HADHB: variants seen among roughly 807,000 people sequenced by gnomAD.
The protein encoded by HADHB is hydroxyacyl-CoA dehydrogenase trifunctional multienzyme complex subunit beta.
HADHB carries 50 observed loss-of-function variants against 61.9 expected under a neutral mutation model. That is an observed-to-expected ratio of 0.81 (90% CI 0.64 to 1.02). The LOEUF (loss-of-function observed/expected upper bound fraction) is 1.02. HADHB is among the 50% of genes least tolerant of loss of function. The pLI, the probability that HADHB is intolerant of heterozygous loss-of-function variation, is 0.00. For synonymous variants in HADHB, 191 were observed against 201.6 expected (o/e 0.95, Z 0.45); for missense variants, 504 against 586.5 (o/e 0.86, Z 1.45).
intron 5 of HADHB, 62 bp downstream of exon 5, chr2:26,270,059 C>A: frequency 9.5e-7 from 1 of 1,056,606 alleles, no homozygotes; most frequent in Non-Finnish European, 1.5e-6. Flanking sequence ...CCAGTTTTTA[C>A]ACATAAAATA....
At chr2:26,252,405 C>T (rs1270161327) in intron 1 of HADHB, among the ~76,000 whole-genome samples, 1 of 152,072 alleles carries the variant, frequency 6.6e-6, no homozygotes, top group Non-Finnish European at 1.5e-5. Context: ...AAACATGCTT[C>T]AAAATTAAGA....
chr2:26,274,830 T>C (rs1412345090), intron 6 of HADHB, among the ~76,000 whole-genome samples: 1 of 152,152 alleles, frequency 6.6e-6, no homozygotes, highest in South Asian at 2.1e-4. Flanking sequence ...CTCCTCTTGC[T>C]CAGCTTTTTA....
At chr2:26,284,350 A>G in intron 13 of HADHB, 146 bp downstream of exon 13, 2 of 706,470 alleles carry the variant, frequency 2.8e-6, no homozygotes, top group African/African-American at 1.8e-5. Flanking sequence ...CACTGCTGGG[A>G]GGGGCCCGAG....
chr2:26,261,180 G>A, intron 3 of HADHB: 1 of 533,296 alleles, frequency 1.9e-6, no homozygotes. Flanking sequence ...AGGGGCCTGT[G>A]GGATGTCCAA....
At chr2:26,257,657 A>T (rs1247255176) in intron 3 of HADHB, among the ~76,000 whole-genome samples, 1 of 151,806 alleles carries the variant, frequency 6.6e-6, no homozygotes, top group Non-Finnish European at 1.5e-5. Flanking sequence ...AGCAGCCCTA[A>T]CTAAGGCCCA....
In HADHB at chr2:26,280,021, G is replaced by A. The variant is rs751772298; in HGVS notation, c.839G>A (p.Gly280Asp). Residue 280 changes from glycine to aspartate, a missense_variant, in exon 10 of 16, where the codon GGC becomes GAC. Physicochemically the swap from Gly to Asp is moderately conservative, Grantham distance 94 (BLOSUM62 -1). Transcript: ENST00000317799. ...PGKDTVTKDN[G>D]IRPSSLEQMA... ...AAAGATACAGTTACCAAAGATAATG[G>A]CATCCGTCCTTCCTCACTGGAGCAG... The A allele has an allele frequency of 3.1e-6, 5 of 1,609,236 alleles. No individual in the cohort carries two copies. The African/African-American group carries it at 4.0e-5, about 13-fold the overall frequency.
At chr2:26,248,385 C>CTTT (rs879639890) in intron 1 of HADHB, among the ~76,000 whole-genome samples, 2 of 145,074 alleles carry the variant, frequency 1.4e-5, no homozygotes, top group African/African-American at 5.0e-5. Flanking sequence ...TTGAGTATTT[C>CTTT]TTTTTTTTTT....
intron 6 of HADHB, among the ~76,000 whole-genome samples, chr2:26,274,613 G>A (rs1308503823): frequency 2.0e-5 from 3 of 152,160 alleles, no homozygotes; most frequent in Non-Finnish European, 4.4e-5. Context: ...GGGGCAGGAA[G>A]GAATTAACAA....
intron 6 of HADHB, among the ~76,000 whole-genome samples, chr2:26,276,235 T>C (rs1330175061): frequency 6.6e-6 from 1 of 152,202 alleles, no homozygotes; most frequent in Admixed American, 6.5e-5. Context: ...ATAGAGGCCA[T>C]TTTTAAAAGA....
At chr2:26,260,502 T>C (rs1212171863) in intron 3 of HADHB, 1 of 156,376 alleles carries the variant, frequency 6.4e-6, no homozygotes, top group Non-Finnish European at 1.4e-5. Context: ...TCTGCTCAAA[T>C]AAGGATTTTC....
intron 4 of HADHB, among the ~76,000 whole-genome samples, chr2:26,264,646 TACAC>T (rs1672001231): frequency 6.6e-6 from 1 of 151,502 alleles, no homozygotes; most frequent in Admixed American, 6.6e-5. Context: ...TATGTGTGTA[TACAC>T]ACACAACAAA....
At chr2:26,269,485 G>C (rs1034621294) in intron 4 of HADHB, among the ~76,000 whole-genome samples, 5 of 152,118 alleles carry the variant, frequency 3.3e-5, no homozygotes, top group African/African-American at 1.2e-4. Context: ...CTAGGTGTGA[G>C]CCACCATGCT....
chr2:26,264,961 G>A (rs1243458932), intron 4 of HADHB, among the ~76,000 whole-genome samples: 2 of 150,250 alleles, frequency 1.3e-5, no homozygotes, highest in African/African-American at 4.9e-5. Context: ...CTGTACTCCA[G>A]CCTGGGCAAC....
At position 26,282,986 on chromosome 2, in the gene HADHB, C is replaced by T. The variant is rs751832876; in HGVS notation, c.1014-18C>T. Reference sequence around the variant, plus strand: ...TTTATTTTATTACCAAAGCTCACCTCTCTATTTTTTTACCTAGGGATTTTA... The same window carrying T: ...TTTATTTTATTACCAAAGCTCACCTTTCTATTTTTTTACCTAGGGATTTTA... On this transcript the variant is annotated intron_variant, in intron 11 of 15. Transcript: ENST00000317799. 1.9e-6 allele frequency: 3 copies of T among 1,606,070 alleles called. No individual in the cohort carries two copies. The highest frequency in any genetic ancestry group is 1.1e-5 in the South Asian group (1 of 90,916).
In HADHB at chr2:26,267,142, TTAAAAA is replaced by T. The variant is rs201098005; in HGVS notation, c.210-2806_210-2801del. On this transcript the variant is annotated intron_variant, in intron 4 of 15. Transcript: ENST00000317799. ...TTAATCCAATGATTAAATCTCTGAC[TTAAAAA>T]TAAAGAGAATTTATTTTTGATCTTT... is the stretch of plus-strand genomic sequence containing the variant. Among the ~76,000 whole-genome samples the T allele has an allele frequency of 5.6e-3, 851 of 152,262 alleles. 10 individuals carry two copies. The highest frequency in any genetic ancestry group is 0.02 in the African/African-American group (816 of 41,552).
At chr2:26,274,251 G>T (rs1672456716) in intron 6 of HADHB, among the ~76,000 whole-genome samples, 1 of 152,206 alleles carries the variant, frequency 6.6e-6, no homozygotes, top group African/African-American at 2.4e-5. Context: ...TGCCCTAGTT[G>T]GCATAGCTCC....
chr2:26,280,001 T>TA lies in HADHB; in HGVS notation c.820dup (p.Thr274AsnfsTer6). 1 of 1,608,348 alleles carries TA rather than the reference T, an allele frequency of 6.2e-7. No individual in the cohort carries two copies. Among genetic ancestry groups the TA allele is most frequent in the South Asian group, 1.1e-5 (1 of 90,902 alleles). On this transcript the variant is annotated frameshift_variant, in exon 10 of 16. Transcript: ENST00000317799. LOFTEE classifies it high-confidence loss of function. ...AATTCATTTTTTTAATAGGAAAAGATACAGTTACCAAAGATAATGGCATCC... is the reference window on the plus strand; with the variant it reads ...AATTCATTTTTTTAATAGGAAAAGATAACAGTTACCAAAGATAATGGCATCC...
At chr2:26,247,184 G>C (rs956549290) in intron 1 of HADHB, among the ~76,000 whole-genome samples, 1 of 152,074 alleles carries the variant, frequency 6.6e-6, no homozygotes, top group Non-Finnish European at 1.5e-5. Context: ...GCAGCTTCGT[G>C]TATCTTTCCA....
intron 3 of HADHB, among the ~76,000 whole-genome samples, chr2:26,257,949 G>A (rs1189219117): frequency 6.6e-6 from 1 of 152,048 alleles, no homozygotes; most frequent in Non-Finnish European, 1.5e-5. Flanking sequence ...AACCCTGGAG[G>A]CAGAGCTTGC....
Sources: allele counts gnomAD v4.1 joint callset (sites outside exome capture counted in the v4.1 genomes callset), GRCh38; gene constraint gnomAD v4.1.1; transcripts MANE v1.5; gene names NCBI Gene and HGNC (gene_info 2026-07-23, HGNC 2026-07-21).